APBA2: variants seen among roughly 807,000 people sequenced by gnomAD.
APBA2 encodes amyloid-beta A4 precursor protein-binding family A member 2.
In APBA2, 30 loss-of-function variants were observed where a neutral mutation model predicts 75.0. The ratio of observed to expected loss-of-function variants is 0.40; its 90% CI spans 0.30 to 0.54. APBA2 has a LOEUF of 0.54. Among genes scored for constraint, APBA2 ranks in the 20% least tolerant of loss-of-function variants. APBA2 has a pLI of 0.49. For missense variants in APBA2, 801 were observed against 1,016.1 expected (o/e 0.79, Z 2.88); for synonymous variants, 444 against 409.6 (o/e 1.08, Z -1.01).
At chr15:28,952,800 G>A (rs939196806) in intron 2 of APBA2, among the ~76,000 whole-genome samples, 1 of 152,144 alleles carries the variant, frequency 6.6e-6, no homozygotes, top group Non-Finnish European at 1.5e-5. Context: ...CATTTTACAT[G>A]TATTTATCTT....
chr15:28,991,838 C>T lies in APBA2; in HGVS notation c.-94-3915C>T, dbSNP rs995167206. ...CTGCCTTCGGGTTATTATTGTTCAC[C>T]AGATTCCACTTGCTCTACAACCCAG... is the stretch of plus-strand genomic sequence containing the variant. On this transcript the variant is annotated intron_variant, in intron 2 of 14. Coordinates refer to ENST00000683413, the MANE Select transcript of APBA2 (RefSeq NM_001353788.2). This position sits in a 1 kb window ranked among gnomAD's most constrained non-coding sequence, Gnocchi z 4.7. 1.4e-4 allele frequency among the ~76,000 whole-genome samples: 22 copies of T among 152,164 alleles called. No individual in the cohort carries two copies. The highest frequency in any genetic ancestry group is 5.1e-4 in the African/African-American group (21 of 41,444).
intron 2 of APBA2, among the ~76,000 whole-genome samples, chr15:28,921,984 G>A (rs189809585): frequency 2.6e-4 from 40 of 152,316 alleles, no homozygotes; most frequent in Admixed American, 9.8e-4. Flanking sequence ...ATTTACAGGG[G>A]ACCAGTTGCT....
At chr15:28,908,217 C>T (rs1566788989) in intron 1 of APBA2, among the ~76,000 whole-genome samples, 1 of 152,196 alleles carries the variant, frequency 6.6e-6, no homozygotes, top group Non-Finnish European at 1.5e-5. Context: ...TCTTCCCTGA[C>T]TCCTGCCTTG....
intron 2 of APBA2, among the ~76,000 whole-genome samples, chr15:28,994,987 T>G (rs1566885404): frequency 1.3e-5 from 2 of 152,220 alleles, no homozygotes. Context: ...TAACTTTGTC[T>G]GTAGCCAACA....
chr15:29,022,514 T>C (rs1455003342), intron 3 of APBA2, among the ~76,000 whole-genome samples: 8 of 152,158 alleles, frequency 5.3e-5, no homozygotes, highest in African/African-American at 1.2e-4. Flanking sequence ...CTCAGGGATA[T>C]ATATATAGCT....
At chr15:28,923,593 C>T (rs1167951652) in intron 2 of APBA2, among the ~76,000 whole-genome samples, 2 of 151,788 alleles carry the variant, frequency 1.3e-5, no homozygotes, top group Admixed American at 1.3e-4. Context: ...GGGGGAGGGG[C>T]CTCAGCGCTC....
At chr15:29,088,336 C>A (rs903352373) in intron 6 of APBA2, among the ~76,000 whole-genome samples, 1 of 152,276 alleles carries the variant, frequency 6.6e-6, no homozygotes, top group East Asian at 1.9e-4. Context: ...ATGGTTCATT[C>A]CCAAATCTGT....
At chr15:29,095,752 C>T (rs76711447) in intron 8 of APBA2, among the ~76,000 whole-genome samples, 4,869 of 152,314 alleles carry the variant, frequency 0.032, 197 homozygotes, top group African/African-American at 0.093. Flanking sequence ...TGCCCAGCAG[C>T]GTCTCCTTTG....
In APBA2 at chr15:29,108,401, C is replaced by G. The variant is rs368206195; in HGVS notation, c.2037+12C>G. On this transcript the variant is annotated intron_variant, in intron 13 of 14. Coordinates refer to ENST00000683413, the MANE Select transcript of APBA2 (RefSeq NM_001353788.2). The stretch of plus-strand genomic sequence containing the variant: ...TGCAGAATGGAATTGTGAGTTCCCC[C>G]TCCTGCTCTGGGCCACCACCACCAC... 1.4e-4 allele frequency: 221 copies of G among 1,613,840 alleles called. No homozygotes were observed. Among genetic ancestry groups the G allele is most frequent in the Non-Finnish European group, 1.8e-4 (213 of 1,180,038 alleles).
intron 3 of APBA2, among the ~76,000 whole-genome samples, chr15:29,027,704 G>A (rs922779236): frequency 1.3e-5 from 2 of 151,514 alleles, no homozygotes; most frequent in African/African-American, 4.9e-5. Flanking sequence ...CCGGGTTCCC[G>A]CATTCTCCTG....
At chr15:29,003,766 G>A (rs1474797895) in intron 3 of APBA2, among the ~76,000 whole-genome samples, 2 of 152,240 alleles carry the variant, frequency 1.3e-5, no homozygotes, top group Non-Finnish European at 2.9e-5. Context: ...GCAGTCCACA[G>A]GCAGAATTTC....
chr15:28,911,157 T>G (rs570824437), intron 1 of APBA2, among the ~76,000 whole-genome samples: 1 of 152,204 alleles, frequency 6.6e-6, no homozygotes, highest in African/African-American at 2.4e-5. Context: ...CAGAAGGTTT[T>G]CTCTTCGTGG....
chr15:29,045,076 TCTC>T (rs1311197446), intron 3 of APBA2, among the ~76,000 whole-genome samples: 2 of 113,306 alleles, frequency 1.8e-5, no homozygotes, highest in African/African-American at 1.7e-4. Context: ...TCCTTCTCTC[TCTC>T]TCTCTCTCTC....
At chr15:29,019,110 G>GCA (rs2039820978) in intron 3 of APBA2, among the ~76,000 whole-genome samples, 1 of 152,208 alleles carries the variant, frequency 6.6e-6, no homozygotes, top group Non-Finnish European at 1.5e-5. Context: ...AGGGAAAAAA[G>GCA]TAAGCAGAGG....
rs151249443 is a variant in APBA2 at position 29,073,476 on chromosome 15, G to A, written c.952-1445G>A. On this transcript the variant is annotated intron_variant, in intron 4 of 14. Transcript: ENST00000683413. ...AGTGATTCTCCTGCCTCAGCCTCCC[G>A]TGTAGCTGGGATTACAGGCATCCAC... Among the ~76,000 whole-genome samples the A allele has an allele frequency of 4.7e-3, 711 of 152,184 alleles. 3 individuals are homozygous for A. The highest frequency in any genetic ancestry group is 0.016 in the African/African-American group (679 of 41,534).
intron 1 of APBA2, among the ~76,000 whole-genome samples, chr15:28,911,361 C>T (rs2033418719): frequency 6.6e-6 from 1 of 152,086 alleles, no homozygotes; most frequent in Admixed American, 6.5e-5. Flanking sequence ...ATTTTGCTTC[C>T]CCTGAACAAA....
At chr15:29,042,146 T>G (rs80333351) in intron 3 of APBA2, among the ~76,000 whole-genome samples, 1,785 of 152,280 alleles carry the variant, frequency 0.012, 27 homozygotes, top group African/African-American at 0.041. Flanking sequence ...AGCCCTGCCT[T>G]CATCCTGTTT....
At chr15:28,886,876 G>A (rs1305478160) in intron 1 of APBA2, among the ~76,000 whole-genome samples, 1 of 152,230 alleles carries the variant, frequency 6.6e-6, no homozygotes, top group Non-Finnish European at 1.5e-5. Flanking sequence ...CCCTCGGCCT[G>A]GCCCCTTCCC....
At chr15:28,981,018 AC>A (rs1388544744) in intron 2 of APBA2, among the ~76,000 whole-genome samples, 4 of 152,226 alleles carry the variant, frequency 2.6e-5, no homozygotes, top group African/African-American at 9.6e-5. Flanking sequence ...CCTACCTTTT[AC>A]CATGTAAAAA....
Sources: gnomAD v4.1 joint callset for allele counts (sites outside exome capture counted in the v4.1 genomes callset) on GRCh38, gnomAD v4.1.1 for gene constraint, Gnocchi (gnomAD v3.1) non-coding constraint, MANE v1.5 for transcripts, NCBI Gene and HGNC (gene_info 2026-07-23, HGNC 2026-07-21) for gene names.